SORCS3: variants seen among roughly 807,000 people sequenced by gnomAD.
SORCS3 encodes sortilin related VPS10 domain containing receptor 3.
In SORCS3, 57 loss-of-function variants were observed where a neutral mutation model predicts 146.3. The ratio of observed to expected loss-of-function variants is 0.39; its 90% CI spans 0.31 to 0.49. SORCS3 has a LOEUF of 0.49. Among genes scored for constraint, SORCS3 ranks in the 20% least tolerant of loss-of-function variants. SORCS3 has a pLI of 0.92. For missense variants in SORCS3, 1,341 were observed against 1,575.5 expected (o/e 0.85, Z 2.52); for synonymous variants, 653 against 618.5 (o/e 1.06, Z -0.83).
At chr10:104,911,956 A>G (rs930600804) in intron 2 of SORCS3, among the ~76,000 whole-genome samples, 7 of 152,206 alleles carry the variant, frequency 4.6e-5, no homozygotes, top group African/African-American at 1.7e-4. Context: ...TAGATTAGTA[A>G]CAAAGAATTA....
Position 105,258,939 on chromosome 10 carries a change from C to G in SORCS3, c.3443+2015C>G, listed in dbSNP as rs1023832386. Among the ~76,000 whole-genome samples, 13 of 152,286 alleles carry G rather than the reference C, an allele frequency of 8.5e-5. 1 individual carries two copies. The highest frequency in any genetic ancestry group is 2.0e-4 in the Admixed American group (3 of 15,290). On this transcript the variant is annotated intron_variant, in intron 25 of 26. Transcript: ENST00000369701. Reference sequence around the variant, plus strand: ...GGCTCCTTTTCCTGGAAGTTTTACTCCCAATGCTTAAGCCCTTTGGTTGAA... The same window carrying G: ...GGCTCCTTTTCCTGGAAGTTTTACTGCCAATGCTTAAGCCCTTTGGTTGAA...
intron 1 of SORCS3, among the ~76,000 whole-genome samples, chr10:104,646,415 G>T (rs1302513386): frequency 1.3e-5 from 2 of 152,256 alleles, no homozygotes; most frequent in African/African-American, 4.8e-5. Context: ...GGAAGGCTCA[G>T]TGGACAGAAG....
intron 9 of SORCS3, among the ~76,000 whole-genome samples, chr10:105,154,934 T>C (rs2056195769): frequency 6.6e-6 from 1 of 152,158 alleles, no homozygotes; most frequent in Non-Finnish European, 1.5e-5. Flanking sequence ...AAAAAGTGAT[T>C]CAGTAATAAT....
intron 25 of SORCS3, among the ~76,000 whole-genome samples, chr10:105,260,312 G>A (rs189953088): frequency 4.6e-5 from 7 of 152,240 alleles, no homozygotes; most frequent in Admixed American, 1.3e-4. Flanking sequence ...TAAATATTAC[G>A]GTTGATCCCA....
intron 2 of SORCS3, among the ~76,000 whole-genome samples, chr10:104,844,840 G>A (rs540770706): frequency 1.3e-5 from 2 of 152,268 alleles, no homozygotes; most frequent in East Asian, 3.9e-4. Flanking sequence ...CTCATCTTGA[G>A]ATCCTTAACT....
intron 4 of SORCS3, among the ~76,000 whole-genome samples, chr10:105,012,491 C>A (rs1190982783): frequency 6.6e-6 from 1 of 152,016 alleles, no homozygotes; most frequent in Non-Finnish European, 1.5e-5. Flanking sequence ...ACAAGAAAGT[C>A]TGGATGGAAA....
intron 4 of SORCS3, among the ~76,000 whole-genome samples, chr10:104,996,015 C>G (rs1427077084): frequency 6.6e-6 from 1 of 152,266 alleles, no homozygotes; most frequent in African/African-American, 2.4e-5. Flanking sequence ...AAAGACTATT[C>G]TTTCTCCATT....
intron 22 of SORCS3, among the ~76,000 whole-genome samples, chr10:105,250,596 G>T (rs979200766): frequency 2.4e-4 from 36 of 152,060 alleles, no homozygotes; most frequent in African/African-American, 8.5e-4. Context: ...ACCAGTCAAG[G>T]CACTAATAAG....
At chr10:105,209,713 T>G (rs1202915093) in intron 16 of SORCS3, among the ~76,000 whole-genome samples, 2 of 152,134 alleles carry the variant, frequency 1.3e-5, no homozygotes, top group African/African-American at 2.4e-5. Context: ...AAAAGTGGAA[T>G]GCTTCAAGCC....
intron 19 of SORCS3, among the ~76,000 whole-genome samples, chr10:105,219,305 A>G (rs1048026953): frequency 6.6e-6 from 1 of 152,160 alleles, no homozygotes; most frequent in Admixed American, 6.5e-5. Flanking sequence ...CACACAGGAC[A>G]CTCCTTTATC....
intron 4 of SORCS3, among the ~76,000 whole-genome samples, chr10:105,005,329 C>T (rs1018068425): frequency 2.6e-5 from 4 of 152,144 alleles, no homozygotes; most frequent in African/African-American, 9.7e-5. Context: ...CATGGAACTA[C>T]ACAAATTTTT....
chr10:105,192,562 G>A (rs2056522703), intron 14 of SORCS3, among the ~76,000 whole-genome samples: 1 of 152,106 alleles, frequency 6.6e-6, no homozygotes, highest in Non-Finnish European at 1.5e-5. Context: ...TGCAGGCACT[G>A]GAGTCTCTGA....
intron 2 of SORCS3, among the ~76,000 whole-genome samples, chr10:104,901,244 G>C (rs1029903026): frequency 6.6e-6 from 1 of 152,090 alleles, no homozygotes; most frequent in Non-Finnish European, 1.5e-5. Flanking sequence ...AAACAACCCA[G>C]GAAAAACTTT....
chr10:105,064,456 A>G (rs2055508881), intron 5 of SORCS3, among the ~76,000 whole-genome samples: 1 of 152,168 alleles, frequency 6.6e-6, no homozygotes, highest in South Asian at 2.1e-4. Context: ...ATAGAGGTTG[A>G]AAGGTACCCC....
At chr10:105,006,768 C>T (rs968740306) in intron 4 of SORCS3, among the ~76,000 whole-genome samples, 1 of 152,162 alleles carries the variant, frequency 6.6e-6, no homozygotes, top group Non-Finnish European at 1.5e-5. Flanking sequence ...CAGGTTTCTG[C>T]TGAAATCACA....
At chr10:104,732,804 G>C (rs11192174) in intron 1 of SORCS3, among the ~76,000 whole-genome samples, 3 of 152,272 alleles carry the variant, frequency 2.0e-5, no homozygotes, top group East Asian at 1.9e-4. Context: ...ATTTAGCTGG[G>C]GAGCTTGTGT....
chr10:104,932,965 A>G lies in SORCS3; in HGVS notation c.795+17033A>G, dbSNP rs75885217. On this transcript the variant is annotated intron_variant, in intron 3 of 26. Transcript: ENST00000369701. ...AGGCTGGTCTTGAACTCCTGGCTTC[A>G]AATAATCCTCCTGTGTTGGCCTCAA... is the stretch of plus-strand genomic sequence containing the variant. Among the ~76,000 whole-genome samples, 1,083 of 152,280 alleles carry G rather than the reference A, an allele frequency of 7.1e-3. 8 individuals carry two copies. The highest frequency in any genetic ancestry group is 0.014 in the Middle Eastern group (4 of 294).
intron 2 of SORCS3, among the ~76,000 whole-genome samples, chr10:104,887,575 G>A (rs2018702021): frequency 6.6e-6 from 1 of 152,154 alleles, no homozygotes; most frequent in African/African-American, 2.4e-5. Context: ...TCCGGTTATA[G>A]GAAAGGGTGG....
chr10:104,842,146 C>T (rs763951108), intron 1 of SORCS3, among the ~76,000 whole-genome samples: 12 of 152,168 alleles, frequency 7.9e-5, no homozygotes, highest in Non-Finnish European at 1.6e-4. Context: ...TACTTAACAT[C>T]AACTGATGTC....
Sources: allele counts gnomAD v4.1 joint callset (sites outside exome capture counted in the v4.1 genomes callset), GRCh38; gene constraint gnomAD v4.1.1; transcripts MANE v1.5; gene names NCBI Gene and HGNC (gene_info 2026-07-23, HGNC 2026-07-21).